The following HS6ST3 variants were observed in gnomAD, a reference collection of about 807,000 sequenced individuals.
The protein encoded by HS6ST3 is heparan-sulfate 6-O-sulfotransferase 3.
Under a neutral mutation model 36.7 loss-of-function variants are expected in HS6ST3, and 12 were observed. The ratio of observed to expected loss-of-function variants is 0.33; its 90% CI spans 0.21 to 0.53. HS6ST3 has a LOEUF of 0.53. HS6ST3 is among the 20% of genes least tolerant of loss of function. The probability of loss-of-function intolerance (pLI) is 0.95; values close to 1 mark genes in which losing one functional copy is unlikely to be tolerated. For missense variants in HS6ST3, 584 were observed against 640.9 expected, an observed-to-expected ratio of 0.91 and a Z score of 0.96; for synonymous variants, 240 against 257.5, an observed-to-expected ratio of 0.93 and a Z score of 0.65.
At chr13:96,717,256 T>C (rs1875723189) in intron 1 of HS6ST3, among the ~76,000 whole-genome samples, 1 of 152,198 alleles carries the variant, frequency 6.6e-6, no homozygotes, top group Non-Finnish European at 1.5e-5. Context: ...TCCACTTGCA[T>C]GAAGTAAATC....
In HS6ST3 at chr13:96,395,681, C is replaced by T. The variant is rs574583135; in HGVS notation, c.707+304112C>T. 3.3e-5 allele frequency among the ~76,000 whole-genome samples: 5 copies of T among 152,246 alleles called. No individual in the cohort carries two copies. In the South Asian group the frequency reaches 1.0e-3, roughly 32 times the overall value. ...CTATTTTGGGGGGTCTGTGTGGACC[C>T]CTCTCCGCTCCCAGTTTCAGTAGGG... On this transcript the variant is annotated intron_variant, in intron 1 of 1. Transcript: ENST00000376705.
chr13:96,461,253 A>G (rs1019099429), intron 1 of HS6ST3, among the ~76,000 whole-genome samples: 2 of 152,266 alleles, frequency 1.3e-5, no homozygotes, highest in Non-Finnish European at 2.9e-5. Context: ...GAGAAGATGT[A>G]TAAACAGCTT....
intron 1 of HS6ST3, among the ~76,000 whole-genome samples, chr13:96,106,765 A>G (rs1351914204): frequency 6.6e-6 from 1 of 152,226 alleles, no homozygotes; most frequent in Non-Finnish European, 1.5e-5. Context: ...TATGAAGTAC[A>G]AAGCAAGGTC....
chr13:96,259,223 C>T (rs779250742), intron 1 of HS6ST3, among the ~76,000 whole-genome samples: 1 of 152,046 alleles, frequency 6.6e-6, no homozygotes, highest in South Asian at 2.1e-4. Context: ...CTGGAGGACC[C>T]GGGGTGAAAA....
At chr13:96,170,342 G>A (rs2054181757) in intron 1 of HS6ST3, among the ~76,000 whole-genome samples, 1 of 152,146 alleles carries the variant, frequency 6.6e-6, no homozygotes, top group Non-Finnish European at 1.5e-5. Context: ...TTAATAAGTG[G>A]TCATGCTAGG....
chr13:96,645,237 G>A lies in HS6ST3; in HGVS notation c.708-187253G>A, dbSNP rs115484684. On this transcript the variant is annotated intron_variant, in intron 1 of 1. Transcript: ENST00000376705. Reference sequence around the variant, plus strand: ...TGTACTAAAGCCAGTTGTGTTCTTGGTGTCTTTTCTGTTTTTTGTTTGTTT... The same window carrying A: ...TGTACTAAAGCCAGTTGTGTTCTTGATGTCTTTTCTGTTTTTTGTTTGTTT... Among the ~76,000 whole-genome samples, 380 of 151,970 alleles carry A rather than the reference G, an allele frequency of 2.5e-3. 1 individual carries two copies. The highest frequency in any genetic ancestry group is 8.8e-3 in the African/African-American group (366 of 41,476).
At chr13:96,799,432 C>A (rs1046677396) in intron 1 of HS6ST3, among the ~76,000 whole-genome samples, 1 of 152,032 alleles carries the variant, frequency 6.6e-6, no homozygotes, top group Non-Finnish European at 1.5e-5. Flanking sequence ...ACACATACAC[C>A]ATGGAATACT....
rs1555300301 is a variant in HS6ST3 at position 96,355,400 on chromosome 13, C to CAA, written c.707+263832_707+263833insAA. On this transcript the variant is annotated intron_variant, in intron 1 of 1. Coordinates refer to ENST00000376705, the MANE Select transcript of HS6ST3 (RefSeq NM_153456.4). ...ACACACACACACACACACACACACACACAAACACACAAACACACACACACA... is the reference window on the plus strand; with the variant it reads ...ACACACACACACACACACACACACACAAACAAACACACAAACACACACACACA... 7.2e-5 allele frequency among the ~76,000 whole-genome samples: 10 copies of CAA among 138,412 alleles called. No individual in the cohort carries two copies. In the East Asian group the frequency reaches 1.6e-3, roughly 22 times the overall value. 90.8% of individuals were successfully genotyped at this position (138,412 alleles called of 152,430 possible). A position where few individuals can be genotyped will look rare whatever the true frequency, so the allele number is the denominator to read the frequency against.
At position 96,791,327 on chromosome 13, in the gene HS6ST3, C is replaced by T. The variant is rs140345829; in HGVS notation, c.708-41163C>T. Among the ~76,000 whole-genome samples the T allele has an allele frequency of 4.6e-3, 703 of 152,002 alleles. 7 individuals carry two copies. The highest frequency in any genetic ancestry group is 0.015 in the African/African-American group (640 of 41,474). ...TCCGTTCTTCATGGTCAATATTAAACGATTAATATAAGTACCTATTAGGTA... is the reference window on the plus strand; with the variant it reads ...TCCGTTCTTCATGGTCAATATTAAATGATTAATATAAGTACCTATTAGGTA... On this transcript the variant is annotated intron_variant, in intron 1 of 1. Transcript: ENST00000376705.
At chr13:96,349,632 A>G (rs115770009) in intron 1 of HS6ST3, among the ~76,000 whole-genome samples, 3,369 of 152,304 alleles carry the variant, frequency 0.022, 123 homozygotes, top group African/African-American at 0.078. Context: ...ATGTTTCCTT[A>G]TAGCATGTTT....
At chr13:96,355,075 T>C (rs1594761099) in intron 1 of HS6ST3, among the ~76,000 whole-genome samples, 2 of 152,250 alleles carry the variant, frequency 1.3e-5, no homozygotes, top group South Asian at 4.1e-4. Context: ...TGGTCAAATT[T>C]AGACAATTTA....
At chr13:96,690,794 C>T (rs140716711) in intron 1 of HS6ST3, among the ~76,000 whole-genome samples, 3 of 149,134 alleles carry the variant, frequency 2.0e-5, no homozygotes, top group African/African-American at 7.4e-5. Flanking sequence ...GTGAAATGAA[C>T]ACATGTAGTA....
At chr13:96,666,844 T>C (rs2056665746) in intron 1 of HS6ST3, among the ~76,000 whole-genome samples, 1 of 152,170 alleles carries the variant, frequency 6.6e-6, no homozygotes, top group African/African-American at 2.4e-5. Flanking sequence ...AGATATGCAA[T>C]TTTTATATAG....
chr13:96,813,000 A>G (rs774221062), intron 1 of HS6ST3, among the ~76,000 whole-genome samples: 22 of 152,138 alleles, frequency 1.4e-4, no homozygotes, highest in Non-Finnish European at 2.9e-4. Flanking sequence ...GCTTCCTGCT[A>G]TGCTCTCGTC....
At chr13:96,742,585 C>T (rs1301611515) in intron 1 of HS6ST3, among the ~76,000 whole-genome samples, 1 of 152,086 alleles carries the variant, frequency 6.6e-6, no homozygotes, top group Non-Finnish European at 1.5e-5. Flanking sequence ...CCAACTCATG[C>T]ACATCTTAAA....
chr13:96,172,032 A>G (rs1003774401), intron 1 of HS6ST3, among the ~76,000 whole-genome samples: 1 of 151,398 alleles, frequency 6.6e-6, no homozygotes. Context: ...CACAAACCTC[A>G]TGTTCTAATA....
intron 1 of HS6ST3, among the ~76,000 whole-genome samples, chr13:96,228,173 C>A (rs568505831): frequency 6.6e-6 from 1 of 152,202 alleles, no homozygotes; most frequent in African/African-American, 2.4e-5. Flanking sequence ...ATAGATAATA[C>A]ATATGTGAAT....
intron 1 of HS6ST3, among the ~76,000 whole-genome samples, chr13:96,510,522 C>G (rs192398637): frequency 1.8e-4 from 28 of 152,130 alleles, no homozygotes; most frequent in Non-Finnish European, 2.8e-4. Flanking sequence ...AGTTTCCCCA[C>G]CATGGGTAGC....
intron 1 of HS6ST3, among the ~76,000 whole-genome samples, chr13:96,175,947 C>A (rs2054210901): frequency 1.3e-5 from 2 of 151,972 alleles, no homozygotes; most frequent in African/African-American, 2.4e-5. Context: ...TGATTCTCAG[C>A]CTCCCAAGTA....
Sources: allele counts gnomAD v4.1 joint callset (sites outside exome capture counted in the v4.1 genomes callset), GRCh38; gene constraint gnomAD v4.1.1; transcripts MANE v1.5; gene names NCBI Gene and HGNC (gene_info 2026-07-23, HGNC 2026-07-21).